The following SFXN4 variants were observed in gnomAD, a reference collection of about 807,000 sequenced individuals.
SFXN4 encodes the protein sideroflexin-4.
Under a neutral mutation model 54.6 loss-of-function variants are expected in SFXN4, and 48 were observed. That is an observed-to-expected ratio of 0.88 (90% CI 0.70 to 1.12). SFXN4 has a LOEUF of 1.12. Among genes scored for constraint, SFXN4 ranks in the 50% most tolerant of loss-of-function variants. The pLI is 0.00. For synonymous variants in SFXN4, 130 were observed against 145.5 expected (o/e 0.89, Z 0.77); for missense variants, 383 against 409.2 (o/e 0.94, Z 0.55).
chr10:119,146,245 C>G lies in SFXN4; in HGVS notation c.927G>C (p.Gln309His). 1 of 1,597,790 alleles carries G rather than the reference C, an allele frequency of 6.3e-7. No homozygotes were observed. The highest frequency in any genetic ancestry group is 8.6e-7 in the Non-Finnish European group (1 of 1,166,234). The change falls in exon 13 of 14, where the codon CAG becomes CAC. Residue 309 changes from glutamine (Q) to histidine (H), a missense_variant. Physicochemically the swap from Gln to His is conservative, Grantham distance 24 (BLOSUM62 0). Coordinates refer to ENST00000355697, the MANE Select transcript of SFXN4 (RefSeq NM_213649.2). ...MVPFSFSIFP[Q>H]IGQIQYCSLE... is the part of the protein sequence containing the mutation. The stretch of plus-strand genomic sequence containing the variant: ...GAATGGGGGCACTTACCTGTCCAAT[C>G]TGTGGAAATATACTAAAAGAAAATG...
chr10:119,147,997 C>T (rs1846892635), intron 11 of SFXN4, 137 bp from the exon 12 acceptor site: 1 of 608,464 alleles, frequency 1.6e-6, no homozygotes, highest in South Asian at 1.8e-5. Context: ...ATGGTGAAAC[C>T]CTGTCTCTAC....
Position 119,160,942 on chromosome 10 carries a change from G to C in SFXN4, c.307C>G (p.Leu103Val). Residue 103 changes from leucine to valine, a missense_variant, in exon 5 of 14, where the codon CTG becomes GTG. Coordinates refer to ENST00000355697, the MANE Select transcript of SFXN4 (RefSeq NM_213649.2). ...LATVHPDSSN[L>V]IPKLFRPAAF... Reference sequence around the variant, plus strand: ...GCAGGTCGAAAAAGCTTGGGGATCAGGTTGCTGCTGTCGGGATGCACTGTT... The same window carrying C: ...GCAGGTCGAAAAAGCTTGGGGATCACGTTGCTGCTGTCGGGATGCACTGTT... 6.2e-7 allele frequency: 1 copy of C among 1,614,126 alleles called. No individual in the cohort carries two copies.
chr10:119,165,323 C>G, intron 1 of SFXN4: 4 of 1,286,884 alleles, frequency 3.1e-6, no homozygotes, highest in Non-Finnish European at 3.0e-6. Context: ...ACGTTGTGGT[C>G]GTGGGCATCT....
intron 13 of SFXN4, among the ~76,000 whole-genome samples, chr10:119,144,561 TA>T (rs58101886): frequency 0.19 from 28,061 of 147,106 alleles, 2,720 homozygotes; most frequent in Middle Eastern, 0.29. Flanking sequence ...CTTTCTGACT[TA>T]AAAAAAAAAA....
In SFXN4 at chr10:119,165,659, T is replaced by TA; in HGVS notation, c.-13dup. 1 of 1,554,594 alleles carries TA rather than the reference T, an allele frequency of 6.4e-7. No homozygotes were observed. The highest frequency in any genetic ancestry group is 8.7e-7 in the Non-Finnish European group (1 of 1,156,068). ...TGTTCCAGGGACATTTTGCGCTGGT[T>TA]AGAGTGGCCGCCGCCGCCAGGCCGC... On this transcript the variant is annotated 5_prime_UTR_variant, in exon 1 of 14. Coordinates refer to ENST00000355697, the MANE Select transcript of SFXN4 (RefSeq NM_213649.2).
intron 6 of SFXN4, among the ~76,000 whole-genome samples, chr10:119,159,330 G>C (rs1847419342): frequency 6.6e-6 from 1 of 152,156 alleles, no homozygotes; most frequent in South Asian, 2.1e-4. Flanking sequence ...AAGGGCCAAG[G>C]TGAGAAAAGC....
chr10:119,162,613 A>T (rs887395690), intron 2 of SFXN4, among the ~76,000 whole-genome samples, 199 bp from the exon 3 acceptor site: 1 of 152,042 alleles, frequency 6.6e-6, no homozygotes, highest in Non-Finnish European at 1.5e-5. Context: ...TCCTCTTCCT[A>T]GATGCTCCAG....
chr10:119,165,023 C>CTGTT (rs3061125), intron 1 of SFXN4, among the ~76,000 whole-genome samples: 151,641 of 152,298 alleles, frequency 1, 75,498 homozygotes, highest in Non-Finnish European at 1. Flanking sequence ...AAAATTTCAG[C>CTGTT]TGTTTTTATC....
At chr10:119,152,920 G>C (rs1425459288) in intron 11 of SFXN4, among the ~76,000 whole-genome samples, 1 of 151,960 alleles carries the variant, frequency 6.6e-6, no homozygotes, top group Admixed American at 6.6e-5. Context: ...TTCATATCAG[G>C]GCTGTTCCAC....
rs751122869 is a variant in SFXN4, at chr10:119,146,308, T to G, written c.864A>C (p.Lys288Asn). The G allele has an allele frequency of 6.2e-7, 1 of 1,613,524 alleles. No individual in the cohort carries two copies. The highest frequency in any genetic ancestry group is 2.2e-5 in the East Asian group (1 of 44,848). Reference sequence around the variant, plus strand: ...CCATTGCCAGGACAGTACAAGACAGTTTCAAAATCCACAATGACCCTGGGT... The same window carrying G: ...CCATTGCCAGGACAGTACAAGACAGGTTCAAAATCCACAATGACCCTGGGT... ...RKNPGSLWIL[K>N]LSCTVLAMGL... is the part of the protein sequence containing the mutation. Residue 288 changes from lysine to asparagine, a missense_variant, in exon 13 of 14, where the codon AAA becomes AAC. Lys to Asn is a moderately conservative substitution (Grantham distance 94, BLOSUM62 0). Coordinates refer to ENST00000355697, the MANE Select transcript of SFXN4 (RefSeq NM_213649.2).
chr10:119,143,974 T>C (rs1846671160), intron 13 of SFXN4, among the ~76,000 whole-genome samples: 1 of 152,170 alleles, frequency 6.6e-6, no homozygotes. Flanking sequence ...AGCATAGTAA[T>C]AGGCATAACT....
chr10:119,146,647 C>T (rs1025953667), intron 12 of SFXN4, among the ~76,000 whole-genome samples: 1 of 152,086 alleles, frequency 6.6e-6, no homozygotes, highest in African/African-American at 2.4e-5. Flanking sequence ...TGGTTCACTG[C>T]AATCTCCGCC....
At position 119,157,665 on chromosome 10, in the gene SFXN4, T is replaced by C; in HGVS notation, c.537+3A>G. On this transcript the variant is annotated splice_donor_region_variant and intron_variant, in intron 9 of 13. Coordinates refer to ENST00000355697, the MANE Select transcript of SFXN4 (RefSeq NM_213649.2). Reference sequence around the variant, plus strand: ...AGATTTGACAGATTCTAAAAATACCTACTCCTAAGAAAGTTGAAGAAGCAA... The same window carrying C: ...AGATTTGACAGATTCTAAAAATACCCACTCCTAAGAAAGTTGAAGAAGCAA... The C allele has an allele frequency of 6.3e-7, 1 of 1,593,904 alleles. No individual in the cohort carries two copies. Among genetic ancestry groups the C allele is most frequent in the Non-Finnish European group, 8.5e-7 (1 of 1,171,994 alleles).
chr10:119,150,831 G>A (rs566590310), intron 11 of SFXN4, among the ~76,000 whole-genome samples: 118 of 152,224 alleles, frequency 7.8e-4, no homozygotes, highest in Non-Finnish European at 1.1e-3. Flanking sequence ...AGTGAATGTC[G>A]GAGCAGCCTG....
chr10:119,144,451 C>T (rs376773005), intron 13 of SFXN4, among the ~76,000 whole-genome samples: 6 of 150,662 alleles, frequency 4.0e-5, no homozygotes, highest in Admixed American at 1.3e-4. Context: ...AACGAGACTC[C>T]GTCTCAAAAA....
intron 10 of SFXN4, 92 bp from the exon 11 acceptor site, chr10:119,155,269 C>T (rs1303927312): frequency 1.3e-5 from 11 of 873,202 alleles, no homozygotes; most frequent in Admixed American, 3.9e-5. Flanking sequence ...CCCCTGCAAG[C>T]CTCTTTCTCT....
chr10:119,157,445 A>T lies in SFXN4; in HGVS notation c.537+223T>A, dbSNP rs570828186. On this transcript the variant is annotated intron_variant, in intron 9 of 13. Transcript: ENST00000355697. ...GACTGTGTCTCAAAAAAAAAAAAAAAAGAAAATAGAAAAAAATAAAAAGAC... is the reference window on the plus strand; with the variant it reads ...GACTGTGTCTCAAAAAAAAAAAAAATAGAAAATAGAAAAAAATAAAAAGAC... 1.2e-3 allele frequency among the ~76,000 whole-genome samples: 176 copies of T among 151,686 alleles called. 1 individual carries two copies. Among genetic ancestry groups the T allele is most frequent in the African/African-American group, 4.0e-3 (166 of 41,370 alleles).
At chr10:119,161,175 A>G in intron 3 of SFXN4, 94 bp from the exon 4 acceptor site, 1 of 1,204,362 alleles carries the variant, frequency 8.3e-7, no homozygotes, top group Non-Finnish European at 1.2e-6. Flanking sequence ...GTATAGTGGC[A>G]CAATCATCAC....
At chr10:119,162,242 C>G in intron 3 of SFXN4, 98 bp downstream of exon 3, 3 of 898,030 alleles carry the variant, frequency 3.3e-6, no homozygotes, top group African/African-American at 1.7e-5. Context: ...AGAAAAGAGA[C>G]GGAGACAGAG....
Sources: gnomAD v4.1 joint callset for allele counts (sites outside exome capture counted in the v4.1 genomes callset) on GRCh38, gnomAD v4.1.1 for gene constraint, MANE v1.5 for transcripts, NCBI Gene and HGNC (gene_info 2026-07-23, HGNC 2026-07-21) for gene names.